Variants in C3orf33 observed in about 807,000 individuals in gnomAD.
C3orf33 encodes the protein AP-1 activity suppressor.
A neutral mutation model predicts 28.7 loss-of-function variants in C3orf33; 23 were observed. That is an observed-to-expected ratio of 0.80 (90% CI 0.58 to 1.13). The LOEUF (loss-of-function observed/expected upper bound fraction) is 1.13. Ranked by LOEUF, C3orf33 falls within the 50% of genes most tolerant of loss-of-function variation. The pLI is 0.00. For synonymous variants in C3orf33, 119 were observed against 120.5 expected, an observed-to-expected ratio of 0.99 and a Z score of 0.08; for missense variants, 327 against 353.4, an observed-to-expected ratio of 0.93 and a Z score of 0.60.
In C3orf33 at chr3:155,787,205, C is replaced by T. The variant is rs2133458; in HGVS notation, c.175-11357G>A. On this transcript the variant is annotated intron_variant, in intron 2 of 4. Coordinates refer to ENST00000340171, the MANE Select transcript of C3orf33 (RefSeq NM_001308229.2). ...TCATAGAAAACCAGATTCAGCCACT[C>T]TTTTCTTTGTTGAAACAGGGTCTCA... is the stretch of plus-strand genomic sequence containing the variant. 1.5e-4 allele frequency among the ~76,000 whole-genome samples: 23 copies of T among 152,098 alleles called. 2 individuals are homozygous for T. Among genetic ancestry groups the T allele is most frequent in the Admixed American group, 1.5e-3 (23 of 15,260 alleles).
In C3orf33 at chr3:155,777,175, G is replaced by A. The variant is rs1037365967; in HGVS notation, c.175-1327C>T. ...ACTAAAAATACAAAATTAGTCGGGC[G>A]TGGTGGTGCATGCCTGTAATCCCAG... is the stretch of plus-strand genomic sequence containing the variant. On this transcript the variant is annotated intron_variant, in intron 2 of 4. Coordinates refer to ENST00000340171, the MANE Select transcript of C3orf33 (RefSeq NM_001308229.2). 1.2e-3 allele frequency among the ~76,000 whole-genome samples: 186 copies of A among 152,050 alleles called. 1 individual carries two copies. Among genetic ancestry groups the A allele is most frequent in the Admixed American group, 1.9e-3 (29 of 15,270 alleles).
intron 2 of C3orf33, among the ~76,000 whole-genome samples, chr3:155,791,295 C>T (rs1208447084): frequency 1.3e-5 from 2 of 152,082 alleles, no homozygotes; most frequent in African/African-American, 2.4e-5. Context: ...CTCTAGAGCC[C>T]TTGGGTCTTG....
chr3:155,790,353 T>G (rs1751277765), intron 2 of C3orf33, among the ~76,000 whole-genome samples: 1 of 151,394 alleles, frequency 6.6e-6, no homozygotes. Context: ...GGCAAAAGCT[T>G]CATGACAGTG....
chr3:155,804,281 C>G, intron 1 of C3orf33: 1 of 320,600 alleles, frequency 3.1e-6, no homozygotes, highest in Non-Finnish European at 6.1e-6. Context: ...CTAATTTACA[C>G]AACTTCCTCC....
chr3:155,804,333 T>C (rs1301528572), intron 1 of C3orf33, among the ~76,000 whole-genome samples: 12 of 152,232 alleles, frequency 7.9e-5, no homozygotes, highest in Admixed American at 6.5e-4. Flanking sequence ...AAATAACCCA[T>C]GCATCTATTA....
chr3:155,801,675 A>G (rs1284489589), intron 2 of C3orf33, among the ~76,000 whole-genome samples: 1 of 152,156 alleles, frequency 6.6e-6, no homozygotes, highest in Non-Finnish European at 1.5e-5. Flanking sequence ...GGTCAAAATC[A>G]TGGAGACAGA....
chr3:155,767,745 A>G (rs943105717), intron 3 of C3orf33, 76 bp from the exon 4 acceptor site: 38 of 953,328 alleles, frequency 4.0e-5, no homozygotes, highest in Non-Finnish European at 5.3e-5. Context: ...TTGGCCTCCA[A>G]CAAACAAACA....
Position 155,775,686 on chromosome 3 carries a change from T to C in C3orf33, c.322+15A>G, listed in dbSNP as rs780667938. On this transcript the variant is annotated intron_variant, in intron 3 of 4. Transcript: ENST00000340171. ...ACCACAATAGTTAGTTTCATTAATCTTGTACCTTACTTACTTCTCAATGAA... is the reference window on the plus strand; with the variant it reads ...ACCACAATAGTTAGTTTCATTAATCCTGTACCTTACTTACTTCTCAATGAA... 3 of 1,485,208 alleles carry C rather than the reference T, an allele frequency of 2.0e-6. No homozygotes were observed. The highest frequency in any genetic ancestry group is 1.3e-5 in the South Asian group (1 of 79,820). The allele number at this position is 1,485,208 out of a possible 1,614,324, so 92.0% of individuals were successfully genotyped here.
At chr3:155,790,781 G>C (rs1751292040) in intron 2 of C3orf33, among the ~76,000 whole-genome samples, 1 of 152,146 alleles carries the variant, frequency 6.6e-6, no homozygotes, top group Admixed American at 6.6e-5. Context: ...ACCAGCCCTA[G>C]CCAGAAGGGA....
rs115383043 is a variant in C3orf33, at chr3:155,788,810, A to G, written c.175-12962T>C. On this transcript the variant is annotated intron_variant, in intron 2 of 4. Transcript: ENST00000340171. ...CACCACCTCTATTCAACAGAGTACTACTGGATGTCTTAGCCAGAGCACCAG... is the reference window on the plus strand; with the variant it reads ...CACCACCTCTATTCAACAGAGTACTGCTGGATGTCTTAGCCAGAGCACCAG... 7.6e-3 allele frequency among the ~76,000 whole-genome samples: 1,155 copies of G among 152,256 alleles called. 15 individuals are homozygous for G. Among genetic ancestry groups the G allele is most frequent in the African/African-American group, 0.027 (1,116 of 41,556 alleles).
At chr3:155,775,895 A>G in intron 2 of C3orf33, 47 bp from the exon 3 acceptor site, 1 of 1,366,420 alleles carries the variant, frequency 7.3e-7, no homozygotes, top group Non-Finnish European at 1.0e-6. Context: ...TATTATTGTC[A>G]TCTCAAAATT....
intron 2 of C3orf33, among the ~76,000 whole-genome samples, chr3:155,796,608 T>TA (rs1388571085): frequency 6.6e-6 from 1 of 152,080 alleles, no homozygotes; most frequent in Non-Finnish European, 1.5e-5. Context: ...GAAAAATAAA[T>TA]ACCAATCCTA....
chr3:155,800,293 C>T (rs542213869), intron 2 of C3orf33, among the ~76,000 whole-genome samples: 84 of 152,142 alleles, frequency 5.5e-4, no homozygotes, highest in Middle Eastern at 3.4e-3. Flanking sequence ...TGAGCACTCT[C>T]AACAGAGATT....
At chr3:155,783,685 T>C (rs1228124104) in intron 2 of C3orf33, among the ~76,000 whole-genome samples, 1 of 152,142 alleles carries the variant, frequency 6.6e-6, no homozygotes, top group Non-Finnish European at 1.5e-5. Flanking sequence ...CAGGCAGGTC[T>C]CAAACTCCTG....
In C3orf33 at chr3:155,800,254, T is replaced by A. The variant is rs416063; in HGVS notation, c.174+2278A>T. On this transcript the variant is annotated intron_variant, in intron 2 of 4. Coordinates refer to ENST00000340171, the MANE Select transcript of C3orf33 (RefSeq NM_001308229.2). ...AAAGGAAAACATAGACAAATTGGAC[T>A]TCATAAAAATTTAAAACTTGCACAT... 3.9e-5 allele frequency among the ~76,000 whole-genome samples: 6 copies of A among 151,964 alleles called. No individual in the cohort carries two copies. The South Asian group carries it at 8.3e-4, about 21-fold the overall frequency.
intron 4 of C3orf33, among the ~76,000 whole-genome samples, chr3:155,765,571 G>A (rs1218833417): frequency 3.3e-5 from 5 of 151,322 alleles, no homozygotes; most frequent in Non-Finnish European, 5.9e-5. Flanking sequence ...TTTTTGAAGC[G>A]GAGTCTCACT....
chr3:155,770,449 A>G (rs530886353), intron 3 of C3orf33, among the ~76,000 whole-genome samples: 141 of 152,332 alleles, frequency 9.3e-4, no homozygotes, highest in Middle Eastern at 3.4e-3. Flanking sequence ...TTGAGACCAA[A>G]GCTTTTGGGA....
In C3orf33 at chr3:155,771,963, G is replaced by A. The variant is rs1003776827; in HGVS notation, c.322+3738C>T. On this transcript the variant is annotated intron_variant, in intron 3 of 4. Coordinates refer to ENST00000340171, the MANE Select transcript of C3orf33 (RefSeq NM_001308229.2). ...CTCAGCCTTTAATCCCAGCACTTTG[G>A]AAGGTAGAGGTGGGCCGATGTCTTA... Among the ~76,000 whole-genome samples the A allele has an allele frequency of 1.1e-4, 17 of 152,128 alleles. 1 individual carries two copies. The highest frequency in any genetic ancestry group is 8.8e-5 in the Non-Finnish European group (6 of 68,030).
intron 2 of C3orf33, 48 bp from the exon 3 acceptor site, chr3:155,775,896 T>C: frequency 7.4e-7 from 1 of 1,359,238 alleles, no homozygotes; most frequent in Non-Finnish European, 1.0e-6. Context: ...ATTATTGTCA[T>C]CTCAAAATTT....
Sources: gnomAD v4.1 joint callset for allele counts (sites outside exome capture counted in the v4.1 genomes callset) on GRCh38, gnomAD v4.1.1 for gene constraint, MANE v1.5 for transcripts, NCBI Gene and HGNC (gene_info 2026-07-23, HGNC 2026-07-21) for gene names.